The following SPTBN5 variants were observed in gnomAD, a reference collection of about 807,000 sequenced individuals.
SPTBN5 encodes spectrin beta chain, non-erythrocytic 5.
A neutral mutation model predicts 477.6 loss-of-function variants in SPTBN5; 513 were observed. The ratio of observed to expected loss-of-function variants is 1.07; its 90% confidence interval spans 1.00 to 1.16. The LOEUF (loss-of-function observed/expected upper bound fraction) is 1.16. SPTBN5 is among the 50% of genes most tolerant of loss of function. The pLI, the probability that SPTBN5 is intolerant of heterozygous loss-of-function variation, is 0.00. For missense variants in SPTBN5, 5,062 were observed against 4,731.8 expected (o/e 1.07, Z -2.05); for synonymous variants, 2,169 against 2,011.7 (o/e 1.08, Z -2.09).
rs775742038 is a variant in SPTBN5 at position 41,877,362 on chromosome 15, C to A, written c.3471-6G>T. 8 of 1,602,648 alleles carry A rather than the reference C, an allele frequency of 5.0e-6. No homozygotes were observed. Among genetic ancestry groups the A allele is most frequent in the Non-Finnish European group, 8.5e-7 (1 of 1,173,586 alleles). On this transcript the variant is annotated splice_polypyrimidine_tract_variant and splice_region_variant and intron_variant, in intron 17 of 67. Transcript: ENST00000320955. ...GAGCGTCCAGCTGCTGCAGCCTGAC[C>A]AGGATGACAGGCAGAGAGTCAAACC... is the stretch of plus-strand genomic sequence containing the variant.
intron 26 of SPTBN5, 118 bp from the exon 27 acceptor site, chr15:41,872,577 T>C (rs2066584398): frequency 9.3e-7 from 1 of 1,069,860 alleles, no homozygotes; most frequent in Admixed American, 2.4e-5. Context: ...CACACGCCCA[T>C]CCATCTACCT....
rs1192985440 is a variant in SPTBN5, at chr15:41,856,386, C to T, written c.9021G>A (p.Glu3007=). 1 of 1,570,686 alleles carries T rather than the reference C, an allele frequency of 6.4e-7. No individual in the cohort carries two copies. Among genetic ancestry groups the T allele is most frequent in the Non-Finnish European group, 8.7e-7 (1 of 1,155,530 alleles). Reference sequence around the variant, plus strand: ...GTGCCCTGCCCATCACTCCCCTCACCTCAGTCAGAAACTGCTGGGCCTCCT... The same window carrying T: ...GTGCCCTGCCCATCACTCCCCTCACTTCAGTCAGAAACTGCTGGGCCTCCT... ...QAQEAQQFLT[E]LLEAGSWLAE... The change falls in exon 53 of 68, where the codon GAG becomes GAA. Residue 3007 remains glutamate (E), a splice_region_variant and synonymous_variant. Transcript: ENST00000320955.
At position 41,883,047 on chromosome 15, in the gene SPTBN5, G is replaced by A; in HGVS notation, c.1841C>T (p.Ala614Val). 6.4e-7 allele frequency: 1 copy of A among 1,569,382 alleles called. No individual in the cohort carries two copies. Residue 614 changes from alanine to valine, a missense_variant, in exon 9 of 68, where the codon GCC becomes GTC. Transcript: ENST00000320955. ...CTGTTGGAGCTGGGCCAGTGTCCTG[G>A]CCTTGGCCTGCAGCACCTCCACACT... ...GTSVEVLQAKARTLAQLQQSL... is the reference protein window; with the variant it reads ...GTSVEVLQAKVRTLAQLQQSL...
At chr15:41,893,737 TC>T in intron 1 of SPTBN5, 161 bp downstream of exon 1, 2 of 637,732 alleles carry the variant, frequency 3.1e-6, no homozygotes, top group Non-Finnish European at 5.3e-6. Flanking sequence ...CACCCCACCT[TC>T]CAGATTCTTC....
rs1446003363 is a variant in SPTBN5 at position 41,874,254 on chromosome 15, G to A, written c.4689+38C>T. 1.5e-5 allele frequency: 24 copies of A among 1,580,422 alleles called. No homozygotes were observed. In the East Asian group the frequency reaches 3.1e-4, roughly 21 times the overall value. On this transcript the variant is annotated intron_variant, in intron 24 of 67. Transcript: ENST00000320955. ...AGAGGGTTTCTAAGGTCTGGGAAGC[G>A]GATGTCGGTAATCCTGTAGGAAGAA... is the stretch of plus-strand genomic sequence containing the variant.
In SPTBN5 at chr15:41,888,103, C is replaced by T; in HGVS notation, c.502-18G>A. On this transcript the variant is annotated intron_variant, in intron 4 of 67. Coordinates refer to ENST00000320955, the MANE Select transcript of SPTBN5 (RefSeq NM_016642.4). ...AACTCCTCCTGGCGGGACAGGGCAG[C>T]AGGGTCACCATGCGGGGATGGGGTG... 6.4e-7 allele frequency: 1 copy of T among 1,556,398 alleles called. No homozygotes were observed. Among genetic ancestry groups the T allele is most frequent in the East Asian group, 2.4e-5 (1 of 41,776 alleles).
intron 19 of SPTBN5, 65 bp downstream of exon 19, chr15:41,876,744 G>A (rs2066747735): frequency 1.2e-6 from 2 of 1,606,954 alleles, no homozygotes; most frequent in African/African-American, 2.7e-5. Flanking sequence ...CCAGCCCTAG[G>A]GCGGCCGTCT....
At chr15:41,861,577 G>A (rs995186111) in intron 45 of SPTBN5, 81 bp from the exon 46 acceptor site, 12 of 1,548,758 alleles carry the variant, frequency 7.7e-6, no homozygotes, top group Non-Finnish European at 1.1e-5. Flanking sequence ...AGTGGCACAG[G>A]TTAGGGAACC....
In SPTBN5 at chr15:41,893,299, C is replaced by T. The variant is rs759525342; in HGVS notation, c.199G>A (p.Val67Ile). The change falls in exon 2 of 68, where the codon GTC (valine) becomes ATC (isoleucine). Residue 67 changes from valine (V) to isoleucine (I), a missense_variant. Val to Ile is a conservative substitution (Grantham distance 29). Coordinates refer to ENST00000320955, the MANE Select transcript of SPTBN5 (RefSeq NM_016642.4). ...EKTFTKWINN[V>I]FQCGQAGIKI... is the part of the protein sequence containing the mutation. ...ATACTCACCTGGCCGCACTGGAAGA[C>T]GTTATTGATCCACTTGGTGAAAGTC... 47 of 1,613,868 alleles carry T rather than the reference C, an allele frequency of 2.9e-5. No individual in the cohort carries two copies. Among genetic ancestry groups the T allele is most frequent in the Admixed American group, 3.3e-5 (2 of 60,002 alleles).
At position 41,867,418 on chromosome 15, in the gene SPTBN5, C is replaced by T. The variant is rs771644788; in HGVS notation, c.6312+120G>A. On this transcript the variant is annotated intron_variant, in intron 35 of 67. Coordinates refer to ENST00000320955, the MANE Select transcript of SPTBN5 (RefSeq NM_016642.4). ...TGCTCAGTCAACCCCAACCAGGACCCCAGCCTTGCAGGCTCATCAGCACTG... is the reference window on the plus strand; with the variant it reads ...TGCTCAGTCAACCCCAACCAGGACCTCAGCCTTGCAGGCTCATCAGCACTG... 9.6e-5 allele frequency: 98 copies of T among 1,016,832 alleles called. 1 individual carries two copies. Among genetic ancestry groups the T allele is most frequent in the Non-Finnish European group, 1.4e-4 (94 of 666,434 alleles). 63.0% of individuals were successfully genotyped at this position (1,016,832 alleles called of 1,614,324 possible).
chr15:41,853,523 C>G, intron 58 of SPTBN5, 59 bp downstream of exon 58: 2 of 1,538,340 alleles, frequency 1.3e-6, no homozygotes, highest in Non-Finnish European at 1.8e-6. Flanking sequence ...CCCCCAAGAG[C>G]CAGGATACCC....
At chr15:41,870,847 C>T (rs901959924) in intron 29 of SPTBN5, among the ~76,000 whole-genome samples, 1 of 152,242 alleles carries the variant, frequency 6.6e-6, no homozygotes, top group African/African-American at 2.4e-5. Flanking sequence ...ACTCACAGTG[C>T]GTCACCCAGG....
Position 41,876,014 on chromosome 15 carries a change from G to A in SPTBN5, c.4122+100C>T, listed in dbSNP as rs1197677. 3.5e-6 allele frequency: 5 copies of A among 1,436,226 alleles called. No individual in the cohort carries two copies. In the African/African-American group the frequency reaches 7.0e-5, roughly 20 times the overall value. The allele number at this position is 1,436,226 out of a possible 1,614,324, so 89.0% of individuals were successfully genotyped here. On this transcript the variant is annotated intron_variant, in intron 21 of 67. Transcript: ENST00000320955. ...GAGGTTCTAGGTTCACGCTGAGGCT[G>A]ATTTTTCCTTCAAAGACTCTTCCAT...
In SPTBN5 at chr15:41,878,405, G is replaced by A. The variant is rs770724539; in HGVS notation, c.3407C>T (p.Ser1136Leu). ...RSKEVSVDVA[S>L]AQRLLREHQD... Reference sequence around the variant, plus strand: ...GTGCTCCCTCAGCAGCCGCTGAGCCGAGGCCACATCCACTGACACCTCCTT... The same window carrying A: ...GTGCTCCCTCAGCAGCCGCTGAGCCAAGGCCACATCCACTGACACCTCCTT... Residue 1136 changes from serine to leucine, a missense_variant, in exon 17 of 68, where the codon TCG becomes TTG. Ser to Leu is a moderately radical substitution (Grantham distance 145, BLOSUM62 -2). Transcript: ENST00000320955. 9.3e-6 allele frequency: 15 copies of A among 1,613,746 alleles called. No homozygotes were observed. The highest frequency in any genetic ancestry group is 1.1e-5 in the Non-Finnish European group (13 of 1,179,886).
chr15:41,860,962 A>G (rs148141450), intron 46 of SPTBN5, among the ~76,000 whole-genome samples: 50 of 152,398 alleles, frequency 3.3e-4, no homozygotes, highest in Non-Finnish European at 5.7e-4. Context: ...ATTAGGGATC[A>G]AGAGCCAGAA....
intron 56 of SPTBN5, 56 bp downstream of exon 56, chr15:41,854,726 G>C: frequency 7.0e-7 from 1 of 1,424,396 alleles, no homozygotes; most frequent in Non-Finnish European, 9.3e-7. Flanking sequence ...AGGGCTTAGA[G>C]GGATTTTTTG....
chr15:41,866,085 C>G lies in SPTBN5; in HGVS notation c.6775G>C (p.Glu2259Gln), dbSNP rs1214313629. ...GCAAGGTCCACTCTCTGCAGGAACT[C>G]CAGGAAGTTCCGCCTGTCCTCCAGC... ...QELEDRRNFL[E>Q]FLQRVDLAEA... Residue 2259 changes from glutamate (E) to glutamine (Q), a missense_variant, in exon 38 of 68, where the codon GAG (glutamate) becomes CAG (glutamine). By Grantham distance (29) the Glu-to-Gln change is conservative. Transcript: ENST00000320955. 1.2e-5 allele frequency: 18 copies of G among 1,556,752 alleles called. No homozygotes were observed. The highest frequency in any genetic ancestry group is 1.5e-5 in the Non-Finnish European group (17 of 1,150,780).
chr15:41,849,066 C>T (rs934199713), intron 67 of SPTBN5, among the ~76,000 whole-genome samples: 4 of 152,212 alleles, frequency 2.6e-5, no homozygotes, highest in Non-Finnish European at 4.4e-5. Flanking sequence ...TCCAGGCACA[C>T]GGCTGTATAT....
In SPTBN5 at chr15:41,878,601, G is replaced by A. The variant is rs766711697; in HGVS notation, c.3211C>T (p.Gln1071Ter). Reference sequence around the variant, plus strand: ...GTCTCCACCTGTCCTTGCAGAGGCTGGCTCTCTGCGTAGCCTGGCTCCTCG... The same window carrying A: ...GTCTCCACCTGTCCTTGCAGAGGCTAGCTCTCTGCGTAGCCTGGCTCCTCG... ...KVEEPGYAESQPLQGQVETLQ... is the reference protein window; with the variant it reads ...KVEEPGYAES The change falls in exon 17 of 68, where the codon CAG becomes TAG. Residue 1071 changes from glutamine (Q) to a stop codon, truncating the protein, a stop_gained. Coordinates refer to ENST00000320955, the MANE Select transcript of SPTBN5 (RefSeq NM_016642.4). LOFTEE classifies it high-confidence loss of function. 6.2e-7 allele frequency: 1 copy of A among 1,612,260 alleles called. No homozygotes were observed. The highest frequency in any genetic ancestry group is 1.1e-5 in the South Asian group (1 of 90,934).
Sources: allele counts gnomAD v4.1 joint callset (sites outside exome capture counted in the v4.1 genomes callset), GRCh38; gene constraint gnomAD v4.1.1; transcripts MANE v1.5; gene names NCBI Gene and HGNC (gene_info 2026-07-23, HGNC 2026-07-21).